The following PTPRG variants were observed in gnomAD, a reference collection of about 807,000 sequenced individuals.
The protein encoded by PTPRG is protein tyrosine phosphatase receptor type G, also known as receptor-type tyrosine-protein phosphatase gamma.
Under a neutral mutation model 165.3 loss-of-function variants are expected in PTPRG, and 102 were observed. That is an observed-to-expected ratio of 0.62 (90% CI 0.53 to 0.73). The LOEUF (loss-of-function observed/expected upper bound fraction) is 0.73. Ranked by LOEUF, PTPRG falls within the 30% of genes least tolerant of loss-of-function variation. The pLI is 0.00. For synonymous variants in PTPRG, 675 were observed against 669.5 expected (o/e 1.01, Z -0.13); for missense variants, 1,866 against 1,861.4 (o/e 1.00, Z -0.05).
At chr3:62,250,762 G>C (rs1701392475) in intron 15 of PTPRG, among the ~76,000 whole-genome samples, 1 of 152,180 alleles carries the variant, frequency 6.6e-6, no homozygotes, top group African/African-American at 2.4e-5. Flanking sequence ...TTTCTTCTCA[G>C]TAGAAGTTGC....
Position 62,203,491 on chromosome 3 carries a change from G to C in PTPRG, c.1696G>C (p.Gly566Arg). Residue 566 changes from glycine to arginine, a missense_variant, in exon 12 of 30, where the codon GGT becomes CGT. By Grantham distance (125) the Gly-to-Arg change is moderately radical. Transcript: ENST00000474889. The surrounding 1 kb of genome is among the most constrained non-coding windows in gnomAD (Gnocchi z 6.4). ...TEALASPGPD[G>R]DSSPTKDGEG... is the part of the protein sequence containing the mutation. ...GGCCTTGGCTTCTCCAGGGCCCGAT[G>C]GTGATTCGTCACCAACCAAGGACGG... 6.4e-7 allele frequency: 1 copy of C among 1,568,258 alleles called. No individual in the cohort carries two copies. Among genetic ancestry groups the C allele is most frequent in the Non-Finnish European group, 8.7e-7 (1 of 1,155,786 alleles).
At chr3:61,804,415 C>A (rs1055935374) in intron 2 of PTPRG, among the ~76,000 whole-genome samples, 3 of 152,174 alleles carry the variant, frequency 2.0e-5, no homozygotes, top group Non-Finnish European at 4.4e-5. Flanking sequence ...GATGTAATCT[C>A]AAATCTTAGC....
At chr3:61,710,365 A>G (rs1307961923) in intron 1 of PTPRG, among the ~76,000 whole-genome samples, 5 of 152,120 alleles carry the variant, frequency 3.3e-5, no homozygotes, top group Non-Finnish European at 7.3e-5. Context: ...ACCCCTTTCC[A>G]TGTCGAATCC....
At position 61,868,661 on chromosome 3, in the gene PTPRG, A is replaced by T. The variant is rs2037476938; in HGVS notation, c.190+119679A>T. Among the ~76,000 whole-genome samples the T allele has an allele frequency of 2.0e-5, 3 of 152,172 alleles. No individual in the cohort carries two copies. In the South Asian group the frequency reaches 6.2e-4, roughly 32 times the overall value. On this transcript the variant is annotated intron_variant, in intron 2 of 29. Coordinates refer to ENST00000474889, the MANE Select transcript of PTPRG (RefSeq NM_002841.4). Reference sequence around the variant, plus strand: ...AGAATCACCCTTAGGGTAATTTGTTACAGAAAATTCTGTGTAATGGGACAG... The same window carrying T: ...AGAATCACCCTTAGGGTAATTTGTTTCAGAAAATTCTGTGTAATGGGACAG...
intron 4 of PTPRG, among the ~76,000 whole-genome samples, chr3:62,029,322 A>G (rs1025225148): frequency 6.6e-6 from 1 of 152,158 alleles, no homozygotes; most frequent in Non-Finnish European, 1.5e-5. Flanking sequence ...TCACAAGTAC[A>G]TTTCTCACTG....
At chr3:61,904,470 C>T (rs1434499530) in intron 2 of PTPRG, among the ~76,000 whole-genome samples, 1 of 152,166 alleles carries the variant, frequency 6.6e-6, no homozygotes, top group Non-Finnish European at 1.5e-5. Context: ...AAGCCTGCTT[C>T]CCAGGACTTT....
At chr3:62,076,239 A>G (rs1020067805) in intron 4 of PTPRG, among the ~76,000 whole-genome samples, 1 of 152,084 alleles carries the variant, frequency 6.6e-6, no homozygotes, top group Admixed American at 6.5e-5. Flanking sequence ...GTGAGCCATG[A>G]TCATGCCATT....
intron 5 of PTPRG, among the ~76,000 whole-genome samples, chr3:62,117,774 T>G (rs1702919462): frequency 6.6e-6 from 1 of 152,168 alleles, no homozygotes; most frequent in Admixed American, 6.5e-5. Flanking sequence ...GCAGAAAAAT[T>G]TCATTTTCTT....
At chr3:61,678,639 C>A (rs1277712845) in intron 1 of PTPRG, among the ~76,000 whole-genome samples, 2 of 152,148 alleles carry the variant, frequency 1.3e-5, no homozygotes, top group African/African-American at 4.8e-5. Flanking sequence ...ACGTGAATTT[C>A]CCATCCTGGC....
intron 2 of PTPRG, among the ~76,000 whole-genome samples, chr3:61,772,619 C>G (rs1441980885): frequency 6.6e-6 from 1 of 152,012 alleles, no homozygotes; most frequent in Non-Finnish European, 1.5e-5. Flanking sequence ...ATTCTCTTCA[C>G]AATGTAGAGT....
intron 4 of PTPRG, among the ~76,000 whole-genome samples, chr3:62,058,732 A>C (rs1700712160): frequency 6.6e-6 from 1 of 152,176 alleles, no homozygotes; most frequent in Non-Finnish European, 1.5e-5. Flanking sequence ...AGTGTTGATA[A>C]CAGCATCCAG....
intron 1 of PTPRG, among the ~76,000 whole-genome samples, chr3:61,629,219 A>G (rs1470587556): frequency 1.3e-5 from 2 of 152,152 alleles, no homozygotes; most frequent in South Asian, 2.1e-4. Flanking sequence ...CAATGGCGCA[A>G]TTTCAGCTCA....
chr3:62,126,741 C>T (rs1348483889), intron 5 of PTPRG, among the ~76,000 whole-genome samples: 2 of 152,214 alleles, frequency 1.3e-5, no homozygotes, highest in African/African-American at 4.8e-5. Context: ...CTTGGTTACT[C>T]ATCTTTATCG....
chr3:62,070,697 T>G (rs539641670), intron 4 of PTPRG, among the ~76,000 whole-genome samples: 2 of 152,218 alleles, frequency 1.3e-5, no homozygotes, highest in Admixed American at 6.5e-5. Context: ...TTTTACAAAA[T>G]GCTTAACTCT....
chr3:62,266,981 A>G (rs1701895570), intron 17 of PTPRG, among the ~76,000 whole-genome samples: 1 of 151,736 alleles, frequency 6.6e-6, no homozygotes, highest in East Asian at 1.9e-4. Context: ...TTAGGGTAGC[A>G]GGGAATCCAA....
intron 1 of PTPRG, among the ~76,000 whole-genome samples, chr3:61,735,913 T>TG (rs1216997323): frequency 6.6e-6 from 1 of 151,574 alleles, no homozygotes; most frequent in Non-Finnish European, 1.5e-5. Context: ...ACAATGATTT[T>TG]TTTTTTTTTT....
At chr3:61,950,899 C>T (rs942398024) in intron 2 of PTPRG, among the ~76,000 whole-genome samples, 1 of 152,194 alleles carries the variant, frequency 6.6e-6, no homozygotes, top group African/African-American at 2.4e-5. Flanking sequence ...TGGAAAAACT[C>T]ATGGGGATTT....
chr3:62,227,248 T>C (rs1700783619), intron 13 of PTPRG, among the ~76,000 whole-genome samples: 1 of 152,198 alleles, frequency 6.6e-6, no homozygotes, highest in Non-Finnish European at 1.5e-5. Flanking sequence ...ACCCATCTGC[T>C]CTAGCGGCCG....
At chr3:62,004,980 C>T (rs2041261275) in intron 4 of PTPRG, among the ~76,000 whole-genome samples, 1 of 152,174 alleles carries the variant, frequency 6.6e-6, no homozygotes, top group Non-Finnish European at 1.5e-5. Flanking sequence ...TTTGAACCCT[C>T]TAAGTATCCT....
Sources: allele counts gnomAD v4.1 joint callset (sites outside exome capture counted in the v4.1 genomes callset), GRCh38; gene constraint gnomAD v4.1.1; non-coding constraint Gnocchi (gnomAD v3.1); transcripts MANE v1.5; gene names NCBI Gene and HGNC (gene_info 2026-07-23, HGNC 2026-07-21).